The following LAMA3 variants were observed in gnomAD, a reference collection of about 807,000 sequenced individuals.
LAMA3 encodes laminin subunit alpha 3, also known as laminin subunit alpha-3.
LAMA3 carries 281 observed loss-of-function variants against 402.0 expected under a neutral mutation model. The observed-to-expected ratio is 0.70, with a 90% CI of 0.63 to 0.77. The LOEUF (loss-of-function observed/expected upper bound fraction) is 0.77. Ranked by LOEUF, LAMA3 falls within the 30% of genes least tolerant of loss-of-function variation. The pLI is 0.00. For synonymous variants in LAMA3, 1,431 were observed against 1,558.4 expected, an observed-to-expected ratio of 0.92 and a Z score of 1.93; for missense variants, 3,840 against 4,215.5, an observed-to-expected ratio of 0.91 and a Z score of 2.47.
chr18:23,865,862 C>A (rs955449223), intron 36 of LAMA3, among the ~76,000 whole-genome samples: 2 of 152,126 alleles, frequency 1.3e-5, no homozygotes, highest in South Asian at 4.1e-4. Flanking sequence ...TCAGTGTGTG[C>A]AGAGTCATTG....
chr18:23,854,998 A>T (rs879548341), intron 32 of LAMA3, among the ~76,000 whole-genome samples: 32 of 112,754 alleles, frequency 2.8e-4, no homozygotes, highest in Non-Finnish European at 5.5e-4. Flanking sequence ...ATAAATAAAT[A>T]AAAAATAAAA....
rs572042826 is a variant in LAMA3 at position 23,935,489 on chromosome 18, A to G, written c.8862+1554A>G. Among the ~76,000 whole-genome samples, 21 of 152,262 alleles carry G rather than the reference A, an allele frequency of 1.4e-4. No individual in the cohort carries two copies. The South Asian group carries it at 4.4e-3, about 32-fold the overall frequency. On this transcript the variant is annotated intron_variant, in intron 67 of 74. Transcript: ENST00000313654. ...AAGCCCCCAGTTTGGATGGAATAGG[A>G]CATTAGTCTCTGCCCAGTAGCAGAG...
At chr18:23,922,463 G>A (rs983760885) in intron 62 of LAMA3, among the ~76,000 whole-genome samples, 19 of 152,314 alleles carry the variant, frequency 1.2e-4, no homozygotes, top group East Asian at 3.9e-4. Flanking sequence ...TCCATTCTAC[G>A]TAGTCAGGTA....
intron 60 of LAMA3, among the ~76,000 whole-genome samples, chr18:23,920,262 A>C (rs2145302142): frequency 6.6e-6 from 1 of 152,272 alleles, no homozygotes; most frequent in African/African-American, 2.4e-5. Context: ...AGATATTCTG[A>C]ATTTGAGGTC....
chr18:23,805,058 C>G (rs2062935848), intron 12 of LAMA3, among the ~76,000 whole-genome samples: 1 of 152,160 alleles, frequency 6.6e-6, no homozygotes, highest in Non-Finnish European at 1.5e-5. Flanking sequence ...CTAATACAGA[C>G]AGTGAAAGTA....
chr18:23,932,109 G>A lies in LAMA3; in HGVS notation c.8577-51G>A, dbSNP rs200620560. Reference sequence around the variant, plus strand: ...ACAGTGAGTTGGCCACATGGCAAGGGCCCTTTTTTCCAGCAGTTCTCACCC... The same window carrying A: ...ACAGTGAGTTGGCCACATGGCAAGGACCCTTTTTTCCAGCAGTTCTCACCC... On this transcript the variant is annotated intron_variant, in intron 65 of 74. Coordinates refer to ENST00000313654, the MANE Select transcript of LAMA3 (RefSeq NM_198129.4). The A allele has an allele frequency of 5.9e-3, 9,490 of 1,610,490 alleles. 42 individuals are homozygous for A. Among genetic ancestry groups the A allele is most frequent in the Non-Finnish European group, 7.3e-3 (8,545 of 1,178,090 alleles).
chr18:23,847,059 C>T (rs955328211), intron 31 of LAMA3, among the ~76,000 whole-genome samples: 2 of 152,200 alleles, frequency 1.3e-5, no homozygotes, highest in African/African-American at 4.8e-5. Flanking sequence ...GGCCAAGGAA[C>T]AAGAACCCTG....
intron 19 of LAMA3, among the ~76,000 whole-genome samples, chr18:23,820,489 T>C (rs2063264078): frequency 6.6e-6 from 1 of 152,182 alleles, no homozygotes; most frequent in Admixed American, 6.5e-5. Context: ...ATAATGAATG[T>C]TTGTTAGTTA....
chr18:23,769,391 A>G (rs1199639331), intron 8 of LAMA3, among the ~76,000 whole-genome samples: 2 of 152,250 alleles, frequency 1.3e-5, no homozygotes, highest in Non-Finnish European at 2.9e-5. Flanking sequence ...GCTTACAACA[A>G]AATTTATGAC....
chr18:23,929,985 T>C (rs1248244958), intron 64 of LAMA3, among the ~76,000 whole-genome samples: 1 of 152,198 alleles, frequency 6.6e-6, no homozygotes, highest in Non-Finnish European at 1.5e-5. Context: ...TAGCTAAAGA[T>C]ACATATAAGT....
chr18:23,771,790 A>G (rs1344894402), intron 8 of LAMA3, among the ~76,000 whole-genome samples: 1 of 152,192 alleles, frequency 6.6e-6, no homozygotes, highest in East Asian at 1.9e-4. Flanking sequence ...GGGGAGTGTA[A>G]AGGTGTTCAC....
rs566439275 is a variant in LAMA3 at position 23,939,354 on chromosome 18, A to C, written c.8994A>C (p.Leu2998=). The C allele has an allele frequency of 1.1e-4, 185 of 1,614,192 alleles. 2 individuals carry two copies. The South Asian group carries it at 2.0e-3, about 17-fold the overall frequency. Residue 2998 remains leucine (L), a synonymous_variant, in exon 68 of 75, where the codon CTA becomes CTC. Transcript: ENST00000313654. The part of the protein sequence containing the change: ...QFGDIPTSHL[L]FKLPQELLKP... ...GGGACATTCCCACCAGCCACTTGCT[A>C]TTCAAGCTTCCTCAGGAGCTGCTGA...
rs541439863 is a variant in LAMA3, at chr18:23,904,203, G to A, written c.6473+116G>A. 9.5e-4 allele frequency: 1,129 copies of A among 1,185,054 alleles called. 10 individuals carry two copies. The South Asian group carries it at 9.9e-3, about 10-fold the overall frequency. 73.4% of individuals were successfully genotyped at this position (1,185,054 alleles called of 1,614,324 possible). ...GGGTCTCCAGAACTGGGTGGAGGGCGGAGGGTGGGGTCAAGGCCAATGCCC... is the reference window on the plus strand; with the variant it reads ...GGGTCTCCAGAACTGGGTGGAGGGCAGAGGGTGGGGTCAAGGCCAATGCCC... On this transcript the variant is annotated intron_variant, in intron 50 of 74. Transcript: ENST00000313654.
chr18:23,790,821 T>G, intron 12 of LAMA3, among the ~76,000 whole-genome samples: 1 of 152,116 alleles, frequency 6.6e-6, no homozygotes, highest in East Asian at 1.9e-4. Context: ...TTTTTTACCA[T>G]TATCTATAAA....
intron 2 of LAMA3, among the ~76,000 whole-genome samples, chr18:23,724,726 T>G (rs1390821047): frequency 6.6e-6 from 1 of 152,240 alleles, no homozygotes; most frequent in Non-Finnish European, 1.5e-5. Flanking sequence ...GCCATTTTCC[T>G]ATTACTATTA....
rs139940718 is a variant in LAMA3 at position 23,854,002 on chromosome 18, A to T, written c.4137-3842A>T. On this transcript the variant is annotated intron_variant, in intron 32 of 74. Transcript: ENST00000313654. The stretch of plus-strand genomic sequence containing the variant: ...AACATTGCAGTACTCAAGAATATAG[A>T]TATTGTTTTGGTTCACCCTGGCCTA... Among the ~76,000 whole-genome samples the T allele has an allele frequency of 4.2e-4, 64 of 152,268 alleles. 1 individual carries two copies. The highest frequency in any genetic ancestry group is 1.4e-3 in the African/African-American group (60 of 41,546).
intron 24 of LAMA3, among the ~76,000 whole-genome samples, chr18:23,836,106 TAC>T (rs10569981): frequency 0.12 from 17,352 of 147,950 alleles, 1,846 homozygotes; most frequent in East Asian, 0.37. Flanking sequence ...TTTTAATGGA[TAC>T]ACACACACAC....
At chr18:23,761,654 G>A (rs749460030) in intron 7 of LAMA3, among the ~76,000 whole-genome samples, 3 of 152,188 alleles carry the variant, frequency 2.0e-5, no homozygotes, top group Admixed American at 6.5e-5. Context: ...AATAGTGGTA[G>A]TAATAATATT....
chr18:23,807,305 T>A (rs2144248965), intron 12 of LAMA3, among the ~76,000 whole-genome samples: 1 of 152,304 alleles, frequency 6.6e-6, no homozygotes, highest in African/African-American at 2.4e-5. Context: ...AGTGAGACCC[T>A]ACCTGTATTT....
Sources: allele counts gnomAD v4.1 joint callset (sites outside exome capture counted in the v4.1 genomes callset), GRCh38; gene constraint gnomAD v4.1.1; transcripts MANE v1.5; gene names NCBI Gene and HGNC (gene_info 2026-07-23, HGNC 2026-07-21).